FAF1: variants seen among roughly 807,000 people sequenced by gnomAD.
FAF1 encodes Fas associated factor 1.
FAF1 carries 25 observed loss-of-function variants against 92.5 expected under a neutral mutation model. That is an observed-to-expected ratio of 0.27 (90% CI 0.20 to 0.38). The LOEUF (loss-of-function observed/expected upper bound fraction) is 0.38. Ranked by LOEUF, FAF1 falls within the 10% of genes least tolerant of loss-of-function variation. The probability of loss-of-function intolerance (pLI) is 1.00; values close to 1 mark genes in which losing one functional copy is unlikely to be tolerated. For missense variants in FAF1, 636 were observed against 793.3 expected (o/e 0.80, Z 2.38); for synonymous variants, 234 against 273.2 (o/e 0.86, Z 1.42).
chr1:50,555,076 G>T (rs896662089), intron 13 of FAF1, among the ~76,000 whole-genome samples: 2 of 151,954 alleles, frequency 1.3e-5, no homozygotes, highest in African/African-American at 4.8e-5. Context: ...ATAATAGCTG[G>T]GCATGGCGGC....
chr1:50,926,649 A>G (rs369013617), intron 1 of FAF1, among the ~76,000 whole-genome samples: 1 of 152,224 alleles, frequency 6.6e-6, no homozygotes, highest in Non-Finnish European at 1.5e-5. Flanking sequence ...ATCACTACAC[A>G]TTGCATATTC....
intron 6 of FAF1, among the ~76,000 whole-genome samples, chr1:50,714,060 C>T (rs1184069388): frequency 6.6e-6 from 1 of 151,740 alleles, no homozygotes; most frequent in Admixed American, 6.6e-5. Flanking sequence ...CATGAGCCAC[C>T]GCACCTGGCC....
At chr1:50,520,982 T>C (rs1371328924) in intron 15 of FAF1, among the ~76,000 whole-genome samples, 1 of 152,230 alleles carries the variant, frequency 6.6e-6, no homozygotes, top group Non-Finnish European at 1.5e-5. Context: ...TCTCCAACTT[T>C]AGATGACAAA....
At chr1:50,759,684 G>A (rs562462344) in intron 4 of FAF1, among the ~76,000 whole-genome samples, 1 of 152,304 alleles carries the variant, frequency 6.6e-6, no homozygotes, top group South Asian at 2.1e-4. Flanking sequence ...GGATGGCTGG[G>A]TCAAATGGTA....
chr1:50,453,733 A>G (rs998198263), intron 18 of FAF1, among the ~76,000 whole-genome samples: 4 of 152,190 alleles, frequency 2.6e-5, no homozygotes, highest in African/African-American at 9.7e-5. Context: ...TGAGAAAGAA[A>G]AGTATTTAGG....
intron 8 of FAF1, among the ~76,000 whole-genome samples, chr1:50,600,135 G>C (rs1186128896): frequency 6.6e-6 from 1 of 152,144 alleles, no homozygotes; most frequent in Non-Finnish European, 1.5e-5. Flanking sequence ...AATTGCCAAT[G>C]ACAAAATTTG....
At chr1:50,609,332 C>T (rs1243046135) in intron 8 of FAF1, among the ~76,000 whole-genome samples, 1 of 152,158 alleles carries the variant, frequency 6.6e-6, no homozygotes, top group Non-Finnish European at 1.5e-5. Flanking sequence ...CATATTTTCA[C>T]CCAGGGTCGA....
chr1:50,485,922 T>C (rs181133134), intron 17 of FAF1, among the ~76,000 whole-genome samples: 33 of 152,076 alleles, frequency 2.2e-4, no homozygotes, highest in African/African-American at 8.0e-4. Flanking sequence ...TTGTGAGAAC[T>C]CCATCATGAG....
chr1:50,645,027 C>A (rs987612929), intron 8 of FAF1, among the ~76,000 whole-genome samples: 1 of 152,138 alleles, frequency 6.6e-6, no homozygotes, highest in Non-Finnish European at 1.5e-5. Context: ...TCTTTTAAAC[C>A]CAAACTTTCT....
At chr1:50,782,738 GTTAA>G (rs1044712162) in intron 4 of FAF1, among the ~76,000 whole-genome samples, 1 of 151,962 alleles carries the variant, frequency 6.6e-6, no homozygotes, top group Non-Finnish European at 1.5e-5. Context: ...GTAAGCTAAG[GTTAA>G]TTCTTATTAA....
chr1:50,756,841 T>C (rs1660094952), intron 4 of FAF1, among the ~76,000 whole-genome samples: 1 of 152,160 alleles, frequency 6.6e-6, no homozygotes, highest in African/African-American at 2.4e-5. Flanking sequence ...TTATTCACTA[T>C]CACGAGAACA....
chr1:50,506,618 T>A (rs535044155), intron 15 of FAF1, among the ~76,000 whole-genome samples: 1 of 152,290 alleles, frequency 6.6e-6, no homozygotes, highest in Admixed American at 6.5e-5. Flanking sequence ...CTCACTAGAC[T>A]GTGAGTACTT....
intron 15 of FAF1, among the ~76,000 whole-genome samples, chr1:50,533,379 G>A (rs1410390435): frequency 6.6e-6 from 1 of 152,050 alleles, no homozygotes; most frequent in African/African-American, 2.4e-5. Context: ...CCCTGGCCAG[G>A]TTTTATATCA....
At chr1:50,607,197 C>T (rs1222251854) in intron 8 of FAF1, among the ~76,000 whole-genome samples, 1 of 152,016 alleles carries the variant, frequency 6.6e-6, no homozygotes, top group Non-Finnish European at 1.5e-5. Flanking sequence ...CTTCATGGTG[C>T]CCTTGTATGA....
At chr1:50,619,897 GTCTC>G (rs765226812) in intron 8 of FAF1, among the ~76,000 whole-genome samples, 34 of 150,208 alleles carry the variant, frequency 2.3e-4, no homozygotes, top group Non-Finnish European at 3.4e-4. Flanking sequence ...AGTAGATTTG[GTCTC>G]TCTCTCTCTT....
At chr1:50,519,796 T>C (rs1258378094) in intron 15 of FAF1, among the ~76,000 whole-genome samples, 1 of 152,188 alleles carries the variant, frequency 6.6e-6, no homozygotes, top group Non-Finnish European at 1.5e-5. Flanking sequence ...TTCTAGAAGA[T>C]ACTTCTCCAC....
chr1:50,814,924 G>A (rs1489622970), intron 2 of FAF1, among the ~76,000 whole-genome samples: 1 of 152,192 alleles, frequency 6.6e-6, no homozygotes, highest in East Asian at 1.9e-4. Flanking sequence ...TTGTACTGCT[G>A]ATGGGAATGT....
At chr1:50,468,459 A>C (rs966423118) in intron 18 of FAF1, among the ~76,000 whole-genome samples, 4 of 130,722 alleles carry the variant, frequency 3.1e-5, no homozygotes, top group African/African-American at 9.1e-5. Context: ...CACTTGGCTA[A>C]TTTTTTTTTT....
intron 1 of FAF1, among the ~76,000 whole-genome samples, chr1:50,934,932 TG>T: frequency 6.6e-6 from 1 of 152,306 alleles, no homozygotes; most frequent in East Asian, 1.9e-4. Flanking sequence ...CCCCCTCCTC[TG>T]GATGTTTTAA....
Sources: gnomAD v4.1 joint callset for allele counts (sites outside exome capture counted in the v4.1 genomes callset) on GRCh38, gnomAD v4.1.1 for gene constraint, MANE v1.5 for transcripts, NCBI Gene and HGNC (gene_info 2026-07-23, HGNC 2026-07-21) for gene names.